The following NPR2 variants were observed in gnomAD, a reference collection of about 807,000 sequenced individuals.
NPR2 encodes atrial natriuretic peptide receptor 2.
Under a neutral mutation model 120.7 loss-of-function variants are expected in NPR2, and 49 were observed. The observed-to-expected ratio is 0.41, with a 90% CI of 0.32 to 0.52. NPR2 has a LOEUF of 0.52. NPR2 is among the 20% of genes least tolerant of loss of function. The pLI is 0.36. For synonymous variants in NPR2, 484 were observed against 519.8 expected, an observed-to-expected ratio of 0.93 and a Z score of 0.94; for missense variants, 931 against 1,362.9, an observed-to-expected ratio of 0.68 and a Z score of 4.99.
chr9:35,808,284 G>A lies in NPR2; in HGVS notation c.2713-225G>A, dbSNP rs1828528535. On this transcript the variant is annotated intron_variant, in intron 18 of 21. Coordinates refer to ENST00000342694, the MANE Select transcript of NPR2 (RefSeq NM_003995.4). The surrounding 1 kb of genome is among the most constrained non-coding windows in gnomAD (Gnocchi z 4.0). ...CAGGGTGTTCATTCATTCCGCAAAT[G>A]TTTACTGAGTATTCACCAGGTGCTG... 6.2e-7 allele frequency: 1 copy of A among 1,612,632 alleles called. No individual in the cohort carries two copies. The highest frequency in any genetic ancestry group is 1.1e-5 in the South Asian group (1 of 91,056).
rs753228801 is a variant in NPR2, at chr9:35,809,654, A to G, written c.*209A>G. 11 of 1,116,292 alleles carry G rather than the reference A, an allele frequency of 9.9e-6. No individual in the cohort carries two copies. Among genetic ancestry groups the G allele is most frequent in the Non-Finnish European group, 1.4e-5 (10 of 738,130 alleles). 69.1% of individuals were successfully genotyped at this position (1,116,292 alleles called of 1,614,324 possible). On this transcript the variant is annotated 3_prime_UTR_variant, in exon 22 of 22. Coordinates refer to ENST00000342694, the MANE Select transcript of NPR2 (RefSeq NM_003995.4). This position sits in a 1 kb window ranked among gnomAD's most constrained non-coding sequence, Gnocchi z 4.1. ...CTCTGGCTTGGTCCCCTTCCTCCCT[A>G]CTTTCTGTAAATATCTGTATCTAAA...
chr9:35,801,807 C>T (rs1828176229), intron 8 of NPR2, 44 bp downstream of exon 8: 2 of 1,613,712 alleles, frequency 1.2e-6, no homozygotes, highest in Non-Finnish European at 1.7e-6. Context: ...CTCTGAGTTC[C>T]TGTCCCTTCT....
At position 35,806,568 on chromosome 9, in the gene NPR2, C is replaced by G; in HGVS notation, c.2519+30C>G. ...GACTTTGTCCCCCTTCCTGTATTTT[C>G]TTTTGGGATTCTGCTCTGTTGGGCT... On this transcript the variant is annotated intron_variant, in intron 16 of 21. Coordinates refer to ENST00000342694, the MANE Select transcript of NPR2 (RefSeq NM_003995.4). The surrounding 1 kb of genome is among the most constrained non-coding windows in gnomAD (Gnocchi z 4.6). 1 of 1,613,852 alleles carries G rather than the reference C, an allele frequency of 6.2e-7. No homozygotes were observed. The highest frequency in any genetic ancestry group is 8.5e-7 in the Non-Finnish European group (1 of 1,179,800).
chr9:35,796,813 G>A (rs567932619), intron 2 of NPR2, among the ~76,000 whole-genome samples: 5 of 152,282 alleles, frequency 3.3e-5, no homozygotes, highest in Admixed American at 3.3e-4. Context: ...GAGTCTGAGG[G>A]AAGTTGGGCA....
chr9:35,800,548 C>A lies in NPR2; in HGVS notation c.1218+65C>A. The A allele has an allele frequency of 1.3e-6, 2 of 1,566,604 alleles. No individual in the cohort carries two copies. Among genetic ancestry groups the A allele is most frequent in the South Asian group, 1.1e-5 (1 of 89,952 alleles). Reference sequence around the variant, plus strand: ...AAAATCCAGCTTTCAAGGGTTCAGTCGGGGCAGAACCAAAACTACTAGATG... The same window carrying A: ...AAAATCCAGCTTTCAAGGGTTCAGTAGGGGCAGAACCAAAACTACTAGATG... On this transcript the variant is annotated intron_variant, in intron 5 of 21. Transcript: ENST00000342694. This position sits in a 1 kb window ranked among gnomAD's most constrained non-coding sequence, Gnocchi z 4.7.
At position 35,792,326 on chromosome 9, in the gene NPR2, C is replaced by T. The variant is rs961761666; in HGVS notation, c.-83C>T. 4.8e-5 allele frequency: 70 copies of T among 1,447,330 alleles called. No homozygotes were observed. The highest frequency in any genetic ancestry group is 6.3e-5 in the Non-Finnish European group (68 of 1,074,598). The allele number at this position is 1,447,330 out of a possible 1,614,324, so 89.7% of individuals were successfully genotyped here. On this transcript the variant is annotated 5_prime_UTR_variant, in exon 1 of 22. Transcript: ENST00000342694. Reference sequence around the variant, plus strand: ...TCTTCCTGGCCCTCTTCCCCAGGCTCCAGGCTGGGGGGTGCTCGCGTCTCC... The same window carrying T: ...TCTTCCTGGCCCTCTTCCCCAGGCTTCAGGCTGGGGGGTGCTCGCGTCTCC...
Position 35,804,529 on chromosome 9 carries a change from G to A in NPR2, c.1888-982G>A, listed in dbSNP as rs115875420. Among the ~76,000 whole-genome samples, 368 of 152,278 alleles carry A rather than the reference G, an allele frequency of 2.4e-3. 1 individual carries two copies. The highest frequency in any genetic ancestry group is 8.3e-3 in the African/African-American group (346 of 41,554). ...ATTACAGGCATGAGCCACTGAGCCC[G>A]GCCTTTAAGACTGTCTTTCAGCTCC... On this transcript the variant is annotated intron_variant, in intron 12 of 21. Transcript: ENST00000342694.
chr9:35,809,431 C>A lies in NPR2; in HGVS notation c.3130C>A (p.Pro1044Thr). Residue 1044 changes from proline to threonine, a missense_variant, in exon 22 of 22, where the codon CCT becomes ACT. Coordinates refer to ENST00000342694, the MANE Select transcript of NPR2 (RefSeq NM_003995.4). This position sits in a 1 kb window ranked among gnomAD's most constrained non-coding sequence, Gnocchi z 4.1. ...YWLLGERKGPPGLL is the reference protein window; with the variant it reads ...YWLLGERKGPTGLL ...GCTCTTAGGAGAGCGGAAAGGACCT[C>A]CTGGACTCCTGTAAACCCCCATTCT... 6.2e-7 allele frequency: 1 copy of A among 1,614,194 alleles called. No individual in the cohort carries two copies.
At position 35,808,600 on chromosome 9, in the gene NPR2, T is replaced by C; in HGVS notation, c.2804T>C (p.Leu935Pro). ...RHAPEIARMALALLDAVSSFR... is the reference protein window; with the variant it reads ...RHAPEIARMAPALLDAVSSFR... ...GCACCAGAAATTGCTCGTATGGCCC[T>C]AGCATTACTAGATGCAGTTTCTTCC... The change falls in exon 19 of 22, where the codon CTA (leucine) becomes CCA (proline). Residue 935 changes from leucine (L) to proline (P), a missense_variant. By Grantham distance (98) the Leu-to-Pro change is moderately conservative. Coordinates refer to ENST00000342694, the MANE Select transcript of NPR2 (RefSeq NM_003995.4). The surrounding 1 kb of genome is among the most constrained non-coding windows in gnomAD (Gnocchi z 4.0). 1 of 1,614,164 alleles carries C rather than the reference T, an allele frequency of 6.2e-7. No homozygotes were observed. Among genetic ancestry groups the C allele is most frequent in the Non-Finnish European group, 8.5e-7 (1 of 1,179,992 alleles).
In NPR2 at chr9:35,792,371, C is replaced by T; in HGVS notation, c.-38C>T. ...GTCTCCCCTGTAGGCCAGAGCAGCC[C>T]CAAGTTCTGGGGGCGGTGGGGCTGC... On this transcript the variant is annotated 5_prime_UTR_variant, in exon 1 of 22. Coordinates refer to ENST00000342694, the MANE Select transcript of NPR2 (RefSeq NM_003995.4). 1.9e-6 allele frequency: 3 copies of T among 1,599,292 alleles called. No individual in the cohort carries two copies. Among genetic ancestry groups the T allele is most frequent in the Non-Finnish European group, 2.6e-6 (3 of 1,175,058 alleles).
intron 18 of NPR2, among the ~76,000 whole-genome samples, 176 bp downstream of exon 18, chr9:35,807,574 T>C (rs977526199): frequency 2.6e-5 from 4 of 152,174 alleles, no homozygotes; most frequent in African/African-American, 9.7e-5. Context: ...AGCACTATAA[T>C]TGTACACTCC....
rs1210457725 is a variant in NPR2, at chr9:35,791,851, C to G, written c.-558C>G. Among the ~76,000 whole-genome samples, 1 of 151,982 alleles carries G rather than the reference C, an allele frequency of 6.6e-6. No homozygotes were observed. The highest frequency in any genetic ancestry group is 1.5e-5 in the Non-Finnish European group (1 of 67,906). On this transcript the variant is annotated 5_prime_UTR_variant, in exon 1 of 22. Coordinates refer to ENST00000342694, the MANE Select transcript of NPR2 (RefSeq NM_003995.4). ...AGAATCCTTCACAGGGAGATTTACC[C>G]CTGCCTTCCCCTGCCCTCCGGCCCA...
chr9:35,794,834 T>TTGTGTGTG (rs59763394), intron 2 of NPR2, among the ~76,000 whole-genome samples: 43 of 149,624 alleles, frequency 2.9e-4, no homozygotes, highest in African/African-American at 1.0e-3. Context: ...CCTTGACTTT[T>TTGTGTGTG]TGTGTGTGTG....
chr9:35,808,166 T>C lies in NPR2; in HGVS notation c.2713-343T>C. The C allele has an allele frequency of 6.2e-7, 1 of 1,610,148 alleles. No individual in the cohort carries two copies. The highest frequency in any genetic ancestry group is 8.5e-7 in the Non-Finnish European group (1 of 1,176,368). ...CAGGTCCATTTCACTGGGCCTGCTT[T>C]ACCTCCTCACCAGCCTCTGTCCTCT... On this transcript the variant is annotated intron_variant, in intron 18 of 21. Coordinates refer to ENST00000342694, the MANE Select transcript of NPR2 (RefSeq NM_003995.4). The surrounding 1 kb of genome is among the most constrained non-coding windows in gnomAD (Gnocchi z 4.0).
Position 35,806,196 on chromosome 9 carries a change from T to G in NPR2, c.2335T>G (p.Phe779Val). The G allele has an allele frequency of 6.2e-7, 1 of 1,614,194 alleles. No individual in the cohort carries two copies. The highest frequency in any genetic ancestry group is 1.1e-5 in the South Asian group (1 of 91,078). ...WAQDPAERPD[F>V]GQIKGFIRRF... ...TCAGGACCCAGCTGAGCGGCCAGAC[T>G]TTGGACAGATTAAGGGCTTCATTCG... is the stretch of plus-strand genomic sequence containing the variant. The change falls in exon 15 of 22, where the codon TTT becomes GTT. Residue 779 changes from phenylalanine to valine, a missense_variant. Phe to Val is a conservative substitution (Grantham distance 50). Around this residue, in one of 3 missense-constraint regions of NPR2, gnomAD observed 66 missense variants for 60.3 expected, o/e 1.09. Coordinates refer to ENST00000342694, the MANE Select transcript of NPR2 (RefSeq NM_003995.4). This position sits in a 1 kb window ranked among gnomAD's most constrained non-coding sequence, Gnocchi z 4.6.
intron 8 of NPR2, 40 bp downstream of exon 8, chr9:35,801,803 G>C (rs1828175686): frequency 1.2e-6 from 2 of 1,613,972 alleles, no homozygotes; most frequent in East Asian, 4.5e-5. Context: ...CTCCCTCTGA[G>C]TTCCTGTCCC....
intron 2 of NPR2, 58 bp downstream of exon 2, chr9:35,794,161 T>C: frequency 6.6e-7 from 1 of 1,523,648 alleles, no homozygotes; most frequent in Non-Finnish European, 8.9e-7. Flanking sequence ...CTGGAAATTC[T>C]CTCTCACAAG....
chr9:35,805,763 A>T lies in NPR2; in HGVS notation c.2048-67A>T. 7 of 1,607,236 alleles carry T rather than the reference A, an allele frequency of 4.4e-6. No homozygotes were observed. The highest frequency in any genetic ancestry group is 3.4e-6 in the Non-Finnish European group (4 of 1,174,526). The stretch of plus-strand genomic sequence containing the variant: ...GAGGTGGAGTGACAGTAATATAGGG[A>T]TGAGCCCAGGTGGGCTTGGGGGTGC... On this transcript the variant is annotated intron_variant, in intron 13 of 21. Transcript: ENST00000342694. The surrounding 1 kb of genome is among the most constrained non-coding windows in gnomAD (Gnocchi z 4.9).
intron 6 of NPR2, 68 bp from the exon 7 acceptor site, chr9:35,801,002 A>C: frequency 6.6e-7 from 1 of 1,521,634 alleles, no homozygotes. Flanking sequence ...CTATGCACCT[A>C]TGCACCCCGT....
Sources: gnomAD v4.1 joint callset for allele counts (sites outside exome capture counted in the v4.1 genomes callset) on GRCh38, gnomAD v4.1.1 for gene constraint, gnomAD v4.1.1 regional missense constraint, Gnocchi (gnomAD v3.1) non-coding constraint, MANE v1.5 for transcripts, NCBI Gene and HGNC (gene_info 2026-07-23, HGNC 2026-07-21) for gene names.